Variants in NCOR2 observed in about 807,000 individuals in gnomAD.
NCOR2 encodes nuclear receptor corepressor 2.
In NCOR2, 81 loss-of-function variants were observed where a neutral mutation model predicts 262.9. The observed-to-expected ratio is 0.31, with a 90% confidence interval of 0.26 to 0.37. The LOEUF (loss-of-function observed/expected upper bound fraction) is 0.37, where lower values mean the gene tolerates loss of function less well. NCOR2 is among the 10% of genes least tolerant of loss of function. The probability of loss-of-function intolerance (pLI) is 1.00; values close to 1 mark genes in which losing one functional copy is unlikely to be tolerated. For missense variants in NCOR2, 3,385 were observed against 3,621.4 expected (o/e 0.93, Z 1.68); for synonymous variants, 1,659 against 1,559.3 (o/e 1.06, Z -1.51).
At chr12:124,347,768 C>T in intron 30 of NCOR2, 57 bp downstream of exon 32, 1 of 1,528,592 alleles carries the variant, frequency 6.5e-7, no homozygotes, top group Non-Finnish European at 8.9e-7. Context: ...CCCTCCCGCG[C>T]CCTGCGTGAC....
chr12:124,343,358 T>A (rs1479647702), intron 32 of NCOR2, 132 bp from the exon 35 acceptor site: 1 of 691,816 alleles, frequency 1.4e-6, no homozygotes, highest in Non-Finnish European at 2.3e-6. Context: ...ATTGCCTTAG[T>A]TCACTTTTTG....
chr12:124,325,148 T>C, exon 47 of NCOR2: 1 of 177,166 alleles, frequency 5.6e-6, no homozygotes, highest in South Asian at 2.2e-4. Flanking sequence ...CCCCGGCCCC[T>C]TCCCCTCCCT....
chr12:124,513,014 G>A (rs998378118), intron 1 of NCOR2, among the ~76,000 whole-genome samples: 3 of 152,160 alleles, frequency 2.0e-5, no homozygotes, highest in Non-Finnish European at 2.9e-5. Flanking sequence ...CCCACCTCCC[G>A]CTGCTCTCTC....
chr12:124,511,749 C>T (rs56314649), intron 1 of NCOR2, among the ~76,000 whole-genome samples: 5,658 of 152,182 alleles, frequency 0.037, 152 homozygotes, highest in Non-Finnish European at 0.052. Flanking sequence ...AAGGGGTTCT[C>T]GGCCACCCAA....
rs1485456235 is a variant in NCOR2, at chr12:124,558,086, T to C, written c.-165+9222A>G. On this transcript the variant is annotated intron_variant, in intron 1 of 32. Coordinates refer to the NCOR2 transcript ENST00000458234. ...CAGGTTCCCATGGTCACCGAGACACTATAGCCACACTGGGGCCCATGCTCC... is the reference window on the plus strand; with the variant it reads ...CAGGTTCCCATGGTCACCGAGACACCATAGCCACACTGGGGCCCATGCTCC... Among the ~76,000 whole-genome samples, 3 of 152,166 alleles carry C rather than the reference T, an allele frequency of 2.0e-5. 1 individual carries two copies. Among genetic ancestry groups the C allele is most frequent in the South Asian group, 4.2e-4 (2 of 4,812 alleles).
At chr12:124,461,750 C>T (rs1385181531) in intron 5 of NCOR2, among the ~76,000 whole-genome samples, 2 of 152,254 alleles carry the variant, frequency 1.3e-5, no homozygotes, top group African/African-American at 4.8e-5. Context: ...CATGTGAACA[C>T]ATGCGTATGC....
rs57232116 is a variant in NCOR2, at chr12:124,531,737, T to G, written c.-118+3828A>C. Among the ~76,000 whole-genome samples the G allele has an allele frequency of 1.5e-3, 223 of 146,400 alleles. 2 individuals are homozygous for G. Among genetic ancestry groups the G allele is most frequent in the African/African-American group, 5.4e-3 (215 of 39,962 alleles). On this transcript the variant is annotated intron_variant, in intron 1 of 46. Coordinates refer to the NCOR2 transcript ENST00000404621. The surrounding 1 kb of genome is among the most constrained non-coding windows in gnomAD (Gnocchi z 4.5). ...CGGTCCTCCCAGAGCCCCCGAGAGG[T>G]GAGATCCCACCGGGCCAGGGCCCTA...
chr12:124,347,646 A>C, intron 30 of NCOR2, 179 bp downstream of exon 32: 1 of 625,482 alleles, frequency 1.6e-6, no homozygotes, highest in Non-Finnish European at 2.8e-6. Flanking sequence ...TTGTTTTGAA[A>C]TAAGTAAGAG....
At chr12:124,463,508 G>A (rs73225437) in intron 5 of NCOR2, among the ~76,000 whole-genome samples, 4,202 of 152,356 alleles carry the variant, frequency 0.028, 84 homozygotes, top group Middle Eastern at 0.048. Flanking sequence ...GAGGCGGGGA[G>A]GCGGGAAAAG....
chr12:124,517,970 G>A lies in NCOR2; in HGVS notation c.-118+17595C>T, dbSNP rs1056447931. 1.3e-5 allele frequency among the ~76,000 whole-genome samples: 2 copies of A among 151,942 alleles called. No homozygotes were observed. Among genetic ancestry groups the A allele is most frequent in the African/African-American group, 2.4e-5 (1 of 41,338 alleles). ...CCCAGCCCTGGCCACCACCTCCAGC[G>A]ACAGAACTGGGGCTCTTTCCAGATG... On this transcript the variant is annotated intron_variant, in intron 1 of 46. Coordinates refer to the NCOR2 transcript ENST00000404621. This position sits in a 1 kb window ranked among gnomAD's most constrained non-coding sequence, Gnocchi z 7.6.
intron 5 of NCOR2, among the ~76,000 whole-genome samples, chr12:124,463,393 C>T (rs1312748606): frequency 6.6e-6 from 1 of 152,214 alleles, no homozygotes; most frequent in African/African-American, 2.4e-5. Flanking sequence ...CCTCCTGGGC[C>T]CAGGCCACCC....
intron 41 of NCOR2, among the ~76,000 whole-genome samples, chr12:124,333,755 A>AGGGTGG (rs1204838428): frequency 4.6e-4 from 70 of 151,552 alleles, no homozygotes; most frequent in Middle Eastern, 3.4e-3. Flanking sequence ...ACGGTTCACC[A>AGGGTGG]GGGTGGGGGT....
rs562082200 is a variant in NCOR2 at position 124,482,467 on chromosome 12, C to T, written c.411+1129G>A. Among the ~76,000 whole-genome samples the T allele has an allele frequency of 1.0e-3, 154 of 152,288 alleles. 2 individuals are homozygous for T. The highest frequency in any genetic ancestry group is 3.1e-3 in the East Asian group (16 of 5,178). ...CGAGTCTGGCCCAGGTGGCCTGGCC[C>T]CGCAGCCAGACCACCACCCATGCCG... On this transcript the variant is annotated intron_variant, in intron 3 of 46. Coordinates refer to ENST00000405201, the Ensembl canonical transcript of NCOR2. This position sits in a 1 kb window ranked among gnomAD's most constrained non-coding sequence, Gnocchi z 6.3.
intron 14 of NCOR2, 82 bp from the exon 17 acceptor site, chr12:124,400,755 C>A: frequency 6.5e-7 from 1 of 1,536,806 alleles, no homozygotes; most frequent in Non-Finnish European, 8.9e-7. Context: ...GTTTCTTTAG[C>A]TGGATTTGCA....
rs1459206161 is a variant in NCOR2, at chr12:124,503,119, G to T, written c.-117-7751C>A. Among the ~76,000 whole-genome samples the T allele has an allele frequency of 1.3e-5, 2 of 152,238 alleles. No homozygotes were observed. The highest frequency in any genetic ancestry group is 4.8e-5 in the African/African-American group (2 of 41,460). On this transcript the variant is annotated intron_variant, in intron 1 of 46. Coordinates refer to the NCOR2 transcript ENST00000404621. This position sits in a 1 kb window ranked among gnomAD's most constrained non-coding sequence, Gnocchi z 4.3. ...CGGTCTGCCCTCCAGCTGAGACCAG[G>T]CAAGCCAAACCCATCCCAAACTCCG...
Position 124,334,412 on chromosome 12 carries a change from T to C in NCOR2, c.6605+12A>G. The C allele has an allele frequency of 6.6e-7, 1 of 1,521,376 alleles. No homozygotes were observed. The highest frequency in any genetic ancestry group is 8.8e-7 in the Non-Finnish European group (1 of 1,134,486). The allele number at this position is 1,521,376 out of a possible 1,614,324, so 94.2% of individuals were successfully genotyped here. A position where few individuals can be genotyped will look rare whatever the true frequency, so the allele number is the denominator to read the frequency against. On this transcript the variant is annotated intron_variant, in intron 41 of 46. Transcript: ENST00000405201. ...GGCTGACCAGCAAGAGGCACCCCCA[T>C]CCCTCGCTCACCTCTTGCCCCCTTC...
At chr12:124,525,969 TTAATAA>T (rs1782198132) in intron 1 of NCOR2, among the ~76,000 whole-genome samples, 1 of 152,072 alleles carries the variant, frequency 6.6e-6, no homozygotes. Context: ...GTAGTTAATG[TTAATAA>T]TAATAATACT....
intron 13 of NCOR2, among the ~76,000 whole-genome samples, chr12:124,409,560 G>A (rs1279720211): frequency 6.6e-6 from 1 of 152,194 alleles, no homozygotes; most frequent in East Asian, 1.9e-4. Context: ...CATGCTGATT[G>A]ACTTACGCAT....
rs748876863 is a variant in NCOR2, at chr12:124,372,223, T to C, written c.2606A>G (p.Glu869Gly). The change falls in exon 20 of 47, where the codon GAA (glutamate) becomes GGA (glycine). Residue 869 changes from glutamate (E) to glycine (G), a missense_variant. Glu to Gly is a moderately conservative substitution (Grantham distance 98, BLOSUM62 -2). Around this residue, in one of 5 missense-constraint regions of NCOR2, gnomAD observed 1,615 missense variants for 1,626.9 expected, o/e 0.99. Coordinates refer to ENST00000405201, the Ensembl canonical transcript of NCOR2. ...GCCCTTGGCCGGCCCCTCCTCGGCT[T>C]CCTCCGTGCACTCGCTCTTGACGGG... 5 of 1,601,262 alleles carry C rather than the reference T, an allele frequency of 3.1e-6. No homozygotes were observed. The African/African-American group carries it at 6.7e-5, about 21-fold the overall frequency.
Sources: allele counts gnomAD v4.1 joint callset (sites outside exome capture counted in the v4.1 genomes callset), GRCh38; gene constraint gnomAD v4.1.1; regional missense constraint gnomAD v4.1.1; non-coding constraint Gnocchi (gnomAD v3.1); transcripts MANE v1.5; gene names NCBI Gene and HGNC (gene_info 2026-07-23, HGNC 2026-07-21).